The following SERPINB12 variants were observed in gnomAD, a reference collection of about 807,000 sequenced individuals.
The protein encoded by SERPINB12 is serpin B12.
In SERPINB12, 57 loss-of-function variants were observed where a neutral mutation model predicts 41.1. That is an observed-to-expected ratio of 1.39 (90% CI 1.12 to 1.73). The LOEUF (loss-of-function observed/expected upper bound fraction) is 1.73. Among genes scored for constraint, SERPINB12 ranks in the 40% most tolerant of loss-of-function variants. SERPINB12 has a pLI of 0.00. For synonymous variants in SERPINB12, 180 were observed against 181.3 expected (o/e 0.99, Z 0.06); for missense variants, 536 against 501.9 (o/e 1.07, Z -0.65).
the SERPINB12 span, among the ~76,000 whole-genome samples, chr18:63,534,708 C>T: frequency 6.6e-6 from 1 of 152,082 alleles, no homozygotes; most frequent in African/African-American, 2.4e-5. Flanking sequence ...AATATAGTTT[C>T]TCTGTAGCCG....
At chr18:63,531,634 G>T in the SERPINB12 span, among the ~76,000 whole-genome samples, 1 of 152,086 alleles carries the variant, frequency 6.6e-6, no homozygotes, top group Admixed American at 6.6e-5. Flanking sequence ...AAAATACTCA[G>T]TTTAGTGCCT....
At chr18:63,566,536 C>G in intron 7 of SERPINB12, 71 bp from the exon 8 acceptor site, 5 of 1,412,384 alleles carry the variant, frequency 3.5e-6, no homozygotes, top group Non-Finnish European at 4.8e-6. Flanking sequence ...GACTCAGGCA[C>G]CTTGAAGTAA....
chr18:63,561,710 T>A (rs1330747111), intron 5 of SERPINB12, among the ~76,000 whole-genome samples: 1 of 152,082 alleles, frequency 6.6e-6, no homozygotes, highest in African/African-American at 2.4e-5. Context: ...TACACAGCCA[T>A]CAAAAAGAAT....
rs751781593 is a variant in SERPINB12, at chr18:63,565,551, AG to A, written c.813del (p.Lys271AsnfsTer16). 1.2e-6 allele frequency: 2 copies of A among 1,614,180 alleles called. No homozygotes were observed. Among genetic ancestry groups the A allele is most frequent in the Non-Finnish European group, 1.7e-6 (2 of 1,180,004 alleles). On this transcript the variant is annotated frameshift_variant, in exon 7 of 8. Transcript: ENST00000382768. LOFTEE classifies it high-confidence loss of function. ...CTGGAAATGAGGTACACCAAGGGGA[AG>A]CTCAGCATGTTCGTGCTGCTGCCAT... ...QILEMRYTKG[K>X]LSMFVLLPSH... is the part of the protein sequence containing the mutation.
chr18:63,527,909 G>T, the SERPINB12 span, among the ~76,000 whole-genome samples: 266 of 152,114 alleles, frequency 1.7e-3, no homozygotes, highest in African/African-American at 6.2e-3. Flanking sequence ...TGAATCATGG[G>T]GGAAGGTCTT....
At chr18:63,546,048 A>C (rs1486805566) in intron 1 of SERPINB12, among the ~76,000 whole-genome samples, 1 of 152,200 alleles carries the variant, frequency 6.6e-6, no homozygotes, top group African/African-American at 2.4e-5. Flanking sequence ...CACTAGCTAC[A>C]TAAGTAGTTT....
the SERPINB12 span, among the ~76,000 whole-genome samples, chr18:63,534,725 C>A: frequency 6.6e-6 from 1 of 152,126 alleles, no homozygotes; most frequent in Non-Finnish European, 1.5e-5. Context: ...GCCGTCAGTA[C>A]TTGTTTTATG....
At chr18:63,556,519 C>T (rs954253022) in intron 2 of SERPINB12, among the ~76,000 whole-genome samples, 192 bp downstream of exon 2, 2 of 152,176 alleles carry the variant, frequency 1.3e-5, no homozygotes, top group African/African-American at 4.8e-5. Flanking sequence ...TTCTTAAAGT[C>T]TCACTTAAAC....
chr18:63,566,870 A>G lies in SERPINB12; in HGVS notation c.1137A>G (p.Ala379=). The G allele has an allele frequency of 6.2e-7, 1 of 1,614,214 alleles. No individual in the cohort carries two copies. The change falls in exon 8 of 8, where the codon GCA becomes GCG. Residue 379 remains alanine, a synonymous_variant. Transcript: ENST00000382768. ...FVEVDENGTQ[A]AAATGAVVSE... is the part of the protein sequence containing the mutation. ...AGGTGGATGAAAACGGTACCCAGGC[A>G]GCTGCAGCCACTGGGGCTGTTGTCT...
Position 63,566,579 on chromosome 18 carries a change from G to A in SERPINB12, c.874-28G>A, listed in dbSNP as rs749545. On this transcript the variant is annotated intron_variant, in intron 7 of 7. Coordinates refer to ENST00000382768, the MANE Select transcript of SERPINB12 (RefSeq NM_001307928.2). Reference sequence around the variant, plus strand: ...ATTCTTTGTGGTCCCATAATCTGATGCTAAATATTATTTCCTTCCTCTTGT... The same window carrying A: ...ATTCTTTGTGGTCCCATAATCTGATACTAAATATTATTTCCTTCCTCTTGT... The A allele has an allele frequency of 2.6e-4, 412 of 1,565,972 alleles. 7 individuals are homozygous for A. In the Admixed American group the frequency reaches 7.5e-3, roughly 29 times the overall value.
intron 2 of SERPINB12, 66 bp downstream of exon 2, chr18:63,556,393 A>G (rs1910680370): frequency 1.3e-6 from 2 of 1,492,794 alleles, no homozygotes; most frequent in South Asian, 2.6e-5. Flanking sequence ...GTCAGACCCT[A>G]ATCCCACTTA....
chr18:63,555,763 A>C (rs1910652191), intron 1 of SERPINB12, among the ~76,000 whole-genome samples: 1 of 152,188 alleles, frequency 6.6e-6, no homozygotes, highest in South Asian at 2.1e-4. Flanking sequence ...AACCACCACA[A>C]GCTGAGAGAG....
chr18:63,526,373 T>A, the SERPINB12 span, among the ~76,000 whole-genome samples: 1 of 152,274 alleles, frequency 6.6e-6, no homozygotes, highest in African/African-American at 2.4e-5. Flanking sequence ...AGTGGTGTGA[T>A]CATAGTTCAC....
rs938667517 is a variant in SERPINB12, at chr18:63,567,617, C to G, written c.*606C>G. Among the ~76,000 whole-genome samples the G allele has an allele frequency of 1.3e-5, 2 of 152,342 alleles. No homozygotes were observed. Among genetic ancestry groups the G allele is most frequent in the South Asian group, 4.1e-4 (2 of 4,828 alleles). ...TAAGTGATAGCTCAAAGATGTGTGACTGCCCCAACCAGCACTCATTTTGCA... is the reference window on the plus strand; with the variant it reads ...TAAGTGATAGCTCAAAGATGTGTGAGTGCCCCAACCAGCACTCATTTTGCA... On this transcript the variant is annotated 3_prime_UTR_variant, in exon 8 of 8. Coordinates refer to ENST00000382768, the MANE Select transcript of SERPINB12 (RefSeq NM_001307928.2).
chr18:63,537,920 G>C (rs1910205589), upstream of SERPINB12, among the ~76,000 whole-genome samples: 1 of 152,206 alleles, frequency 6.6e-6, no homozygotes, highest in South Asian at 2.1e-4. Context: ...ATGAGACTGT[G>C]GTGGGATGAA....
At chr18:63,550,915 C>T (rs2144323249) in intron 1 of SERPINB12, among the ~76,000 whole-genome samples, 1 of 152,248 alleles carries the variant, frequency 6.6e-6, no homozygotes, top group East Asian at 1.9e-4. Flanking sequence ...CTCTGTTGAC[C>T]TCTAAAACTG....
chr18:63,547,885 C>T (rs914941544), intron 1 of SERPINB12, among the ~76,000 whole-genome samples: 1 of 152,074 alleles, frequency 6.6e-6, no homozygotes, highest in African/African-American at 2.4e-5. Context: ...ACATTTCAAA[C>T]ATTAGGATTA....
intron 3 of SERPINB12, among the ~76,000 whole-genome samples, chr18:63,559,003 C>CCTTCTTTCTTTCTTTCTTTCT (rs1910780632): frequency 7.6e-5 from 6 of 78,536 alleles, no homozygotes; most frequent in African/African-American, 3.0e-4. Flanking sequence ...TCTTTCCTTC[C>CCTTCTTTCTTTCTTTCTTTCT]TTCTTTCTTT....
chr18:63,561,427 G>A (rs1184928924), intron 5 of SERPINB12, among the ~76,000 whole-genome samples: 3 of 152,154 alleles, frequency 2.0e-5, no homozygotes, highest in Non-Finnish European at 4.4e-5. Context: ...AGATAAAGGG[G>A]AACACTTATA....
Sources: allele counts gnomAD v4.1 joint callset (sites outside exome capture counted in the v4.1 genomes callset), GRCh38; gene constraint gnomAD v4.1.1; transcripts MANE v1.5; gene names NCBI Gene and HGNC (gene_info 2026-07-23, HGNC 2026-07-21).